LRCH2: variants seen among roughly 807,000 people sequenced by gnomAD.
LRCH2 encodes leucine rich repeats and calponin homology domain containing 2, also known as leucine-rich repeat and calponin homology domain-containing protein 2.
LRCH2 carries 38 observed loss-of-function variants against 68.9 expected under a neutral mutation model. The ratio of observed to expected loss-of-function variants is 0.55; its 90% CI spans 0.43 to 0.72. The LOEUF is 0.72. Among genes scored for constraint, LRCH2 ranks in the 30% least tolerant of loss-of-function variants. The pLI, the probability that LRCH2 is intolerant of heterozygous loss-of-function variation, is 0.00. For missense variants in LRCH2, 528 were observed against 572.9 expected (o/e 0.92, Z 0.80); for synonymous variants, 191 against 208.1 (o/e 0.92, Z 0.71).
chrX:115,160,356 T>C (rs1892353500), intron 11 of LRCH2, among the ~76,000 whole-genome samples: 1 of 111,197 alleles, frequency 9.0e-6, no homozygotes, highest in East Asian at 2.8e-4. Context: ...ATTAAAAATA[T>C]ATATGAACTA....
Position 115,171,851 on chromosome X carries a change from T to C in LRCH2, c.865-1419A>G, listed in dbSNP as rs781911831. Among the ~76,000 whole-genome samples the C allele has an allele frequency of 1.3e-3, 137 of 108,910 alleles. 1 individual carries two copies. The highest frequency in any genetic ancestry group is 4.2e-3 in the African/African-American group (127 of 29,888). The allele number at this position is 108,910 out of a possible 115,157, so 94.6% of individuals were successfully genotyped here. ...CACACCACCATGCCCGGCTAATCTTTCTTATATTTTGCAGAGACAGGGTCC... is the reference window on the plus strand; with the variant it reads ...CACACCACCATGCCCGGCTAATCTTCCTTATATTTTGCAGAGACAGGGTCC... On this transcript the variant is annotated intron_variant, in intron 5 of 20. Coordinates refer to ENST00000317135, the MANE Select transcript of LRCH2 (RefSeq NM_020871.4).
chrX:115,184,029 C>T (rs1395947335), intron 3 of LRCH2, among the ~76,000 whole-genome samples: 2 of 112,495 alleles, frequency 1.8e-5, no homozygotes, highest in Non-Finnish European at 3.8e-5. Context: ...TGCAGACACT[C>T]TCTTCTTTTA....
At chrX:115,226,419 G>A (rs2073119443) in intron 1 of LRCH2, among the ~76,000 whole-genome samples, 1 of 111,436 alleles carries the variant, frequency 9.0e-6, no homozygotes, top group Non-Finnish European at 1.9e-5. Flanking sequence ...AGGTGTTTTA[G>A]TAACATTGTT....
At chrX:115,157,691 A>T (rs1041709437) in intron 11 of LRCH2, among the ~76,000 whole-genome samples, 2 of 110,059 alleles carry the variant, frequency 1.8e-5, no homozygotes, top group African/African-American at 6.6e-5. Flanking sequence ...AAATTCTTAA[A>T]TACAGAAAAA....
intron 20 of LRCH2, among the ~76,000 whole-genome samples, chrX:115,118,663 T>C (rs1405346025): frequency 5.4e-5 from 6 of 111,453 alleles, no homozygotes; most frequent in Non-Finnish European, 7.5e-5. Flanking sequence ...CCCTAACTCA[T>C]TTGATGAGGC....
intron 2 of LRCH2, among the ~76,000 whole-genome samples, chrX:115,185,365 G>A (rs1371165855): frequency 1.8e-5 from 2 of 111,728 alleles, no homozygotes; most frequent in Admixed American, 1.9e-4. Context: ...AATGGGAGAG[G>A]CAGGATTCAA....
At chrX:115,207,145 T>C (rs1181567912) in intron 1 of LRCH2, among the ~76,000 whole-genome samples, 2 of 111,585 alleles carry the variant, frequency 1.8e-5, no homozygotes, top group Non-Finnish European at 3.8e-5. Flanking sequence ...ATATGACTAA[T>C]AATGAACAAA....
chrX:115,133,210 T>C (rs1247337438), intron 14 of LRCH2, among the ~76,000 whole-genome samples: 1 of 112,240 alleles, frequency 8.9e-6, no homozygotes, highest in Non-Finnish European at 1.9e-5. Flanking sequence ...TGGATCAAGT[T>C]TAAACGACTG....
At chrX:115,181,899 GA>G (rs1394920025) in intron 3 of LRCH2, among the ~76,000 whole-genome samples, 1 of 108,215 alleles carries the variant, frequency 9.2e-6, no homozygotes, top group African/African-American at 3.4e-5. Flanking sequence ...AAATATTCAG[GA>G]AAAAAAAAGC....
chrX:115,227,702 G>A (rs1035028059), intron 1 of LRCH2, among the ~76,000 whole-genome samples: 18 of 104,475 alleles, frequency 1.7e-4, no homozygotes, highest in African/African-American at 6.0e-4. Flanking sequence ...ATTCTCTTAG[G>A]AACATAATCA....
chrX:115,210,176 G>A (rs1402977177), intron 1 of LRCH2, among the ~76,000 whole-genome samples: 2 of 111,884 alleles, frequency 1.8e-5, no homozygotes, highest in Non-Finnish European at 3.8e-5. Context: ...AGAAAATGGG[G>A]AAAATGTCTC....
intron 14 of LRCH2, among the ~76,000 whole-genome samples, chrX:115,146,478 C>A (rs781797084): frequency 1.8e-5 from 2 of 110,417 alleles, no homozygotes; most frequent in South Asian, 3.8e-4. Context: ...TACCCCATTC[C>A]CCATAATGTG....
At chrX:115,153,145 CAAAAAAA>C (rs782365745) in intron 12 of LRCH2, among the ~76,000 whole-genome samples, 2 of 31,283 alleles carry the variant, frequency 6.4e-5, no homozygotes, top group Admixed American at 8.5e-4. Context: ...CCTGTCTCTA[CAAAAAAA>C]AAAAAAAAAA....
intron 1 of LRCH2, among the ~76,000 whole-genome samples, chrX:115,189,169 A>T (rs1172886901): frequency 8.9e-6 from 1 of 112,262 alleles, no homozygotes; most frequent in Non-Finnish European, 1.9e-5. Context: ...TATGTCTGGA[A>T]AGATTATTTT....
intron 11 of LRCH2, among the ~76,000 whole-genome samples, chrX:115,157,638 A>G (rs181599568): frequency 3.7e-5 from 4 of 109,277 alleles, no homozygotes; most frequent in African/African-American, 6.7e-5. Flanking sequence ...TTTCAGAATT[A>G]AGGACACTTC....
At chrX:115,189,852 C>T (rs782550260) in intron 1 of LRCH2, 4 of 1,165,976 alleles carry the variant, frequency 3.4e-6, no homozygotes, top group South Asian at 3.8e-5. Context: ...CGGGGTATTT[C>T]GACCTGTGGC....
intron 1 of LRCH2, chrX:115,191,989 G>T: frequency 8.7e-7 from 1 of 1,155,703 alleles, no homozygotes; most frequent in Non-Finnish European, 1.2e-6. Context: ...CAACAGTTAC[G>T]ACCGGAGCCA....
intron 20 of LRCH2, among the ~76,000 whole-genome samples, chrX:115,122,293 G>A (rs1199060644): frequency 9.1e-6 from 1 of 110,195 alleles, no homozygotes; most frequent in African/African-American, 3.3e-5. Flanking sequence ...TGTTTGGTCA[G>A]TGATGTGCAT....
chrX:115,225,209 G>A (rs2073110840), intron 1 of LRCH2, among the ~76,000 whole-genome samples: 1 of 111,816 alleles, frequency 8.9e-6, no homozygotes. Context: ...AGGAAAAGGG[G>A]TTCTGGCTTC....
Sources: allele counts gnomAD v4.1 joint callset (sites outside exome capture counted in the v4.1 genomes callset), GRCh38; gene constraint gnomAD v4.1.1; transcripts MANE v1.5; gene names NCBI Gene and HGNC (gene_info 2026-07-23, HGNC 2026-07-21).